TRIM2: variants seen among roughly 807,000 people sequenced by gnomAD.
The protein encoded by TRIM2 is tripartite motif-containing protein 2.
Under a neutral mutation model 75.2 loss-of-function variants are expected in TRIM2, and 20 were observed. That is an observed-to-expected ratio of 0.27 (90% CI 0.19 to 0.39). TRIM2 has a LOEUF of 0.39. Among genes scored for constraint, TRIM2 ranks in the 10% least tolerant of loss-of-function variants. The probability of loss-of-function intolerance (pLI) is 1.00; values close to 1 mark genes in which losing one functional copy is unlikely to be tolerated. For missense variants in TRIM2, 660 were observed against 990.8 expected (o/e 0.67, Z 4.48); for synonymous variants, 373 against 388.3 (o/e 0.96, Z 0.46).
At position 153,275,656 on chromosome 4, in the gene TRIM2, A is replaced by G. The variant is rs58657563; in HGVS notation, c.216-237A>G. Among the ~76,000 whole-genome samples the G allele has an allele frequency of 8.1e-3, 1,229 of 152,338 alleles. 14 individuals are homozygous for G. The highest frequency in any genetic ancestry group is 0.028 in the African/African-American group (1,161 of 41,570). ...TGGACCACACTTTGTGTGCCAAGGCACTAGAAAACACTACAAAAGTCAATG... is the reference window on the plus strand; with the variant it reads ...TGGACCACACTTTGTGTGCCAAGGCGCTAGAAAACACTACAAAAGTCAATG... On this transcript the variant is annotated intron_variant, in intron 2 of 11. Coordinates refer to ENST00000338700, the MANE Select transcript of TRIM2 (RefSeq NM_015271.5).
At chr4:153,204,340 G>A (rs1435035019), upstream of TRIM2, 3 of 626,922 alleles carry the variant, frequency 4.8e-6, no homozygotes, top group Non-Finnish European at 5.7e-6. Context: ...AGAGCCCAAA[G>A]AGGCTGATCA....
At chr4:153,230,853 C>T (rs564649672) in intron 1 of TRIM2, among the ~76,000 whole-genome samples, 1 of 152,330 alleles carries the variant, frequency 6.6e-6, no homozygotes, top group African/African-American at 2.4e-5. Context: ...AGGTAACTAG[C>T]TGAGCTCACT....
chr4:153,190,282 C>G (rs1050913997), intron 1 of TRIM2, among the ~76,000 whole-genome samples: 4 of 152,172 alleles, frequency 2.6e-5, no homozygotes, highest in African/African-American at 9.7e-5. Flanking sequence ...AGAGGCTGTA[C>G]CTTAAACAAT....
chr4:153,216,643 C>T (rs554778676), intron 1 of TRIM2, among the ~76,000 whole-genome samples: 1 of 152,258 alleles, frequency 6.6e-6, no homozygotes, highest in South Asian at 2.1e-4. Flanking sequence ...CTGAGGCTGG[C>T]GAATTTATAG....
chr4:153,254,525 G>T (rs1234574478), intron 1 of TRIM2, among the ~76,000 whole-genome samples: 3 of 152,076 alleles, frequency 2.0e-5, no homozygotes, highest in Admixed American at 1.3e-4. Flanking sequence ...CCGGCCACTT[G>T]AGGCCACAAT....
intron 1 of TRIM2, among the ~76,000 whole-genome samples, chr4:153,253,068 G>A (rs942310099): frequency 2.6e-5 from 4 of 152,182 alleles, no homozygotes; most frequent in African/African-American, 9.7e-5. Context: ...GAGTACACAG[G>A]AGTGGTACTC....
rs559630878 is a variant in TRIM2 at position 153,274,827 on chromosome 4, A to G, written c.216-1066A>G. 3.9e-4 allele frequency among the ~76,000 whole-genome samples: 59 copies of G among 152,320 alleles called. No individual in the cohort carries two copies. In the South Asian group the frequency reaches 5.8e-3, roughly 15 times the overall value. On this transcript the variant is annotated intron_variant, in intron 2 of 11. Coordinates refer to ENST00000338700, the MANE Select transcript of TRIM2 (RefSeq NM_015271.5). ...CAGAAGTCTAGTAAGATAAAATTGA[A>G]AAACATCTGCTGGATTCAGACGTCG...
chr4:153,177,705 CG>C lies in TRIM2; in HGVS notation c.-49+24436del, dbSNP rs1251294383. 6.6e-3 allele frequency among the ~76,000 whole-genome samples: 930 copies of C among 141,742 alleles called. 11 individuals are homozygous for C. The highest frequency in any genetic ancestry group is 0.023 in the African/African-American group (873 of 37,580). The allele number at this position is 141,742 out of a possible 152,430, so 93.0% of individuals were successfully genotyped here. On this transcript the variant is annotated intron_variant, in intron 1 of 11. Transcript: ENST00000437508. ...AAGAAAGGGAGAATGGATGGTGGCT[CG>C]CTCCTTCCTTCCTTCCTTCCTTCCT...
In TRIM2 at chr4:153,255,202, T is replaced by C. The variant is rs560340573; in HGVS notation, c.31-15133T>C. Among the ~76,000 whole-genome samples the C allele has an allele frequency of 5.3e-5, 8 of 152,302 alleles. No individual in the cohort carries two copies. In the South Asian group the frequency reaches 1.7e-3, roughly 32 times the overall value. The stretch of plus-strand genomic sequence containing the variant: ...TATTAAATTCTTCTCTGTATCCTCA[T>C]TGCCTACTCAGTGCTTGGAACACAT... On this transcript the variant is annotated intron_variant, in intron 1 of 11. Coordinates refer to ENST00000338700, the MANE Select transcript of TRIM2 (RefSeq NM_015271.5).
chr4:153,311,306 T>C (rs528351818), intron 6 of TRIM2, among the ~76,000 whole-genome samples: 2 of 152,348 alleles, frequency 1.3e-5, no homozygotes, highest in South Asian at 2.1e-4. Flanking sequence ...TCTTTTTGAC[T>C]AAGACACCTC....
At chr4:153,241,467 C>G (rs1256024850) in intron 1 of TRIM2, among the ~76,000 whole-genome samples, 1 of 152,174 alleles carries the variant, frequency 6.6e-6, no homozygotes, top group Non-Finnish European at 1.5e-5. Flanking sequence ...ACAAATATTC[C>G]TTTACGAACT....
intron 8 of TRIM2, 137 bp from the exon 9 acceptor site, chr4:153,322,511 T>C (rs1212241453): frequency 3.7e-6 from 3 of 814,908 alleles, no homozygotes; most frequent in African/African-American, 1.7e-5. Context: ...AGAAGTTCAT[T>C]GTGATATATG....
chr4:153,222,053 G>GAAA (rs1740634976), intron 1 of TRIM2, among the ~76,000 whole-genome samples: 7 of 147,538 alleles, frequency 4.7e-5, no homozygotes, highest in Non-Finnish European at 6.0e-5. Flanking sequence ...AGGAAGGGAG[G>GAAA]GAGGAAGGAA....
intron 3 of TRIM2, among the ~76,000 whole-genome samples, chr4:153,280,247 G>A (rs1218935853): frequency 6.6e-6 from 1 of 151,942 alleles, no homozygotes; most frequent in Non-Finnish European, 1.5e-5. Flanking sequence ...AAGCTAGAAA[G>A]GTCTCCCATT....
intron 1 of TRIM2, among the ~76,000 whole-genome samples, chr4:153,177,718 C>CTTCCTTCT (rs1731603323): frequency 6.9e-6 from 1 of 143,936 alleles, no homozygotes; most frequent in African/African-American, 2.8e-5. Flanking sequence ...TCCTTCCTTC[C>CTTCCTTCT]TTCCTTCCTT....
intron 8 of TRIM2, among the ~76,000 whole-genome samples, chr4:153,320,805 G>C (rs767455554): frequency 2.7e-5 from 4 of 148,958 alleles, no homozygotes; most frequent in Non-Finnish European, 4.4e-5. Flanking sequence ...GCTAATTTTT[G>C]TATTTTTAGT....
At position 153,259,305 on chromosome 4, in the gene TRIM2, A is replaced by T. The variant is rs570722506; in HGVS notation, c.31-11030A>T. Among the ~76,000 whole-genome samples the T allele has an allele frequency of 3.3e-5, 5 of 152,302 alleles. No individual in the cohort carries two copies. In the South Asian group the frequency reaches 1.0e-3, roughly 32 times the overall value. On this transcript the variant is annotated intron_variant, in intron 1 of 11. Coordinates refer to ENST00000338700, the MANE Select transcript of TRIM2 (RefSeq NM_015271.5). ...CTTGTGAAATAAAGTTAAAACATTC[A>T]TTCTTTGTCTTACTAAGAAATGAAA...
intron 1 of TRIM2, among the ~76,000 whole-genome samples, chr4:153,261,903 C>A (rs183779019): frequency 6.5e-4 from 99 of 152,180 alleles, no homozygotes; most frequent in African/African-American, 2.1e-3. Context: ...TAATTGCCAC[C>A]AAATTGTAGG....
At chr4:153,263,765 G>T (rs748654967) in intron 1 of TRIM2, among the ~76,000 whole-genome samples, 6 of 152,182 alleles carry the variant, frequency 3.9e-5, no homozygotes, top group Admixed American at 3.9e-4. Flanking sequence ...CTGAGATCAG[G>T]GTGCCCCCAT....
Sources: gnomAD v4.1 joint callset for allele counts (sites outside exome capture counted in the v4.1 genomes callset) on GRCh38, gnomAD v4.1.1 for gene constraint, MANE v1.5 for transcripts, NCBI Gene and HGNC (gene_info 2026-07-23, HGNC 2026-07-21) for gene names.